Variants in BLM observed in about 807,000 individuals in gnomAD.
BLM encodes the protein BLM RecQ like helicase.
In BLM, 95 loss-of-function variants were observed where a neutral mutation model predicts 135.3. The ratio of observed to expected loss-of-function variants is 0.70; its 90% CI spans 0.59 to 0.83. The LOEUF is 0.83. BLM is among the 40% of genes least tolerant of loss of function. BLM has a pLI of 0.00. For synonymous variants in BLM, 520 were observed against 589.2 expected, an observed-to-expected ratio of 0.88 and a Z score of 1.70; for missense variants, 1,518 against 1,663.9, an observed-to-expected ratio of 0.91 and a Z score of 1.53.
chr15:90,809,349 G>A, intron 20 of BLM, 90 bp downstream of exon 20: 1 of 1,589,810 alleles, frequency 6.3e-7, no homozygotes, highest in South Asian at 1.1e-5. Flanking sequence ...TTGTGTGAAT[G>A]CTTCCTACAC....
At chr15:90,734,612 TTC>T (rs146610629) in intron 1 of BLM, among the ~76,000 whole-genome samples, 51 of 148,828 alleles carry the variant, frequency 3.4e-4, no homozygotes, top group Admixed American at 5.4e-4. Flanking sequence ...AATGATGGTA[TTC>T]TCTCTCTCTC....
At chr15:90,810,992 T>G (rs182715213) in intron 20 of BLM, among the ~76,000 whole-genome samples, 1 of 152,314 alleles carries the variant, frequency 6.6e-6, no homozygotes, top group East Asian at 1.9e-4. Flanking sequence ...TGAATTCTGA[T>G]TCTCTTTTGT....
At chr15:90,765,191 C>A in intron 8 of BLM, 105 bp from the exon 9 acceptor site, 1 of 897,934 alleles carries the variant, frequency 1.1e-6, no homozygotes, top group African/African-American at 1.6e-5. Context: ...GCACCAGGGA[C>A]AATATGCCTT....
intron 12 of BLM, among the ~76,000 whole-genome samples, chr15:90,779,635 A>G (rs894442768): frequency 6.6e-6 from 1 of 152,202 alleles, no homozygotes; most frequent in Non-Finnish European, 1.5e-5. Flanking sequence ...GAGTGGTGGT[A>G]TCAAAGTATT....
chr15:90,807,692 G>A (rs1008159104), intron 19 of BLM, among the ~76,000 whole-genome samples: 5 of 152,118 alleles, frequency 3.3e-5, no homozygotes, highest in Admixed American at 6.5e-5. Flanking sequence ...GAGCTACCAC[G>A]CTCAGCCAGA....
At chr15:90,781,373 C>G (rs28385050) in intron 12 of BLM, among the ~76,000 whole-genome samples, 2 of 151,978 alleles carry the variant, frequency 1.3e-5, no homozygotes, top group Non-Finnish European at 1.5e-5. Flanking sequence ...ACCTGTAATC[C>G]CAGCACTTTG....
intron 1 of BLM, among the ~76,000 whole-genome samples, chr15:90,745,891 C>T (rs1895489461): frequency 6.6e-6 from 1 of 152,066 alleles, no homozygotes; most frequent in African/African-American, 2.4e-5. Context: ...GCCTAGTCAA[C>T]ATGGTGAGAC....
At chr15:90,784,327 C>CTTTTTTTTTTTTTTTTTT (rs769540432) in intron 13 of BLM, among the ~76,000 whole-genome samples, 2 of 70,002 alleles carry the variant, frequency 2.9e-5, no homozygotes, top group African/African-American at 1.4e-4. Context: ...AATGGCTTTT[C>CTTTTTTTTTTTTTTTTTT]TTTTTTTTTT....
At chr15:90,798,122 A>G in intron 16 of BLM, 68 bp from the exon 17 acceptor site, 2 of 1,390,998 alleles carry the variant, frequency 1.4e-6, no homozygotes, top group Non-Finnish European at 2.0e-6. Context: ...TATAGTTAAT[A>G]TTAAACCCTA....
intron 12 of BLM, among the ~76,000 whole-genome samples, chr15:90,779,312 T>C (rs1896561740): frequency 6.6e-6 from 1 of 152,186 alleles, no homozygotes; most frequent in South Asian, 2.1e-4. Context: ...TTTGTCTCTC[T>C]TTTTGACCCA....
chr15:90,756,313 C>T (rs189400321), intron 5 of BLM, among the ~76,000 whole-genome samples: 11 of 152,244 alleles, frequency 7.2e-5, no homozygotes, highest in African/African-American at 2.6e-4. Flanking sequence ...CCATTTTAGC[C>T]AGGATGGTCT....
rs573430291 is a variant in BLM at position 90,786,808 on chromosome 15, T to C, written c.2823+1727T>C. On this transcript the variant is annotated intron_variant, in intron 14 of 21. Coordinates refer to ENST00000355112, the MANE Select transcript of BLM (RefSeq NM_000057.4). Reference sequence around the variant, plus strand: ...TTTTGTATTTTTAGTAGAGACAGGGTTTCACCATATTGGCCAGGCTGGTCG... The same window carrying C: ...TTTTGTATTTTTAGTAGAGACAGGGCTTCACCATATTGGCCAGGCTGGTCG... Among the ~76,000 whole-genome samples, 7 of 151,840 alleles carry C rather than the reference T, an allele frequency of 4.6e-5. No homozygotes were observed. In the South Asian group the frequency reaches 1.5e-3, roughly 32 times the overall value.
rs1596223715 is a variant in BLM at position 90,754,810 on chromosome 15, G to T, written c.960-1G>T. ...TGGCTTAACATTTTTTTTATTTGCA[G>T]TACGTTAAAGGACCTTGACACCTCT... On this transcript the variant is annotated splice_acceptor_variant, in intron 4 of 21. Coordinates refer to ENST00000355112, the MANE Select transcript of BLM (RefSeq NM_000057.4). LOFTEE classifies it high-confidence loss of function. 1 of 1,613,262 alleles carries T rather than the reference G, an allele frequency of 6.2e-7. No homozygotes were observed. Among genetic ancestry groups the T allele is most frequent in the Non-Finnish European group, 8.5e-7 (1 of 1,179,640 alleles).
intron 21 of BLM, among the ~76,000 whole-genome samples, chr15:90,813,733 T>G (rs9282616): frequency 0.086 from 13,058 of 152,230 alleles, 897 homozygotes; most frequent in African/African-American, 0.19. Context: ...GCCAGTGCAC[T>G]GTGTGACTTT....
chr15:90,740,831 A>G (rs1311204800), intron 1 of BLM, among the ~76,000 whole-genome samples: 2 of 152,202 alleles, frequency 1.3e-5, no homozygotes, highest in Non-Finnish European at 2.9e-5. Flanking sequence ...CTGCCACCAT[A>G]TAAGATGTGC....
chr15:90,747,577 T>G (rs965055811), intron 2 of BLM, 87 bp downstream of exon 2: 1 of 836,364 alleles, frequency 1.2e-6, no homozygotes, highest in African/African-American at 1.7e-5. Flanking sequence ...ACTCCCCCAT[T>G]GTACAGATGA....
At chr15:90,771,690 C>T (rs1354721957) in intron 12 of BLM, among the ~76,000 whole-genome samples, 3 of 150,294 alleles carry the variant, frequency 2.0e-5, no homozygotes, top group Non-Finnish European at 4.4e-5. Context: ...GTCCTCCCAT[C>T]TCAGCCTTCC....
Position 90,782,456 on chromosome 15 carries a change from G to A in BLM, c.2556-366G>A, listed in dbSNP as rs1274808161. 2.0e-5 allele frequency among the ~76,000 whole-genome samples: 3 copies of A among 152,138 alleles called. No individual in the cohort carries two copies. In the East Asian group the frequency reaches 5.8e-4, roughly 29 times the overall value. Reference sequence around the variant, plus strand: ...GCTTGGGCTGCTATGACAGAATACTGTAGACTGGGTGGCTTAAACAACAGA... The same window carrying A: ...GCTTGGGCTGCTATGACAGAATACTATAGACTGGGTGGCTTAAACAACAGA... On this transcript the variant is annotated intron_variant, in intron 12 of 21. Transcript: ENST00000355112.
intron 1 of BLM, among the ~76,000 whole-genome samples, chr15:90,741,898 G>T (rs1895372881): frequency 1.3e-5 from 2 of 152,162 alleles, no homozygotes; most frequent in South Asian, 4.1e-4. Context: ...TATGGTATTT[G>T]TTGGTTCTAG....
Sources: gnomAD v4.1 joint callset for allele counts (sites outside exome capture counted in the v4.1 genomes callset) on GRCh38, gnomAD v4.1.1 for gene constraint, MANE v1.5 for transcripts, NCBI Gene and HGNC (gene_info 2026-07-23, HGNC 2026-07-21) for gene names.